TRAF7: variants seen among roughly 807,000 people sequenced by gnomAD.
TRAF7 encodes the protein TNF receptor associated factor 7, also known as E3 ubiquitin-protein ligase TRAF7.
A neutral mutation model predicts 89.3 loss-of-function variants in TRAF7; 45 were observed. The observed-to-expected ratio is 0.50, with a 90% CI of 0.40 to 0.65. The LOEUF (loss-of-function observed/expected upper bound fraction) is 0.65, where lower values mean the gene tolerates loss of function less well. Among genes scored for constraint, TRAF7 ranks in the 30% least tolerant of loss-of-function variants. The pLI, the probability that TRAF7 is intolerant of heterozygous loss-of-function variation, is 0.00. For synonymous variants in TRAF7, 406 were observed against 369.2 expected (o/e 1.10, Z -1.14); for missense variants, 677 against 918.1 (o/e 0.74, Z 3.39).
At chr16:2,167,090 C>CT (rs962405418) in intron 3 of TRAF7, among the ~76,000 whole-genome samples, 7 of 151,644 alleles carry the variant, frequency 4.6e-5, no homozygotes, top group Non-Finnish European at 7.4e-5. Flanking sequence ...CAGGGGCCCT[C>CT]TTTTTTTTTC....
Position 2,167,003 on chromosome 16 carries a change from A to G in TRAF7, c.139+1067A>G, listed in dbSNP as rs896597167. The stretch of plus-strand genomic sequence containing the variant: ...TTTAATTGCTCTGATAAACCTGGCC[A>G]TGGGGTCATAGGGCCGCCAAGGACA... On this transcript the variant is annotated intron_variant, in intron 3 of 20. Transcript: ENST00000326181. Among the ~76,000 whole-genome samples the G allele has an allele frequency of 3.3e-5, 5 of 152,256 alleles. No individual in the cohort carries two copies. The South Asian group carries it at 1.0e-3, about 32-fold the overall frequency.
At chr16:2,164,396 T>C (rs1229874631) in intron 2 of TRAF7, among the ~76,000 whole-genome samples, 1 of 145,272 alleles carries the variant, frequency 6.9e-6, no homozygotes, top group East Asian at 2.1e-4. Flanking sequence ...TGCGGCCTGG[T>C]CGCATGGTTA....
intron 2 of TRAF7, 139 bp downstream of exon 2, chr16:2,164,140 G>T (rs2093068682): frequency 8.6e-6 from 4 of 464,270 alleles, no homozygotes; most frequent in South Asian, 7.2e-5. Flanking sequence ...GGGGGGTGTG[G>T]TGTGTGTGTG....
rs938223208 is a variant in TRAF7 at position 2,177,800 on chromosome 16, A to G, written c.*1226A>G. On this transcript the variant is annotated 3_prime_UTR_variant, in exon 21 of 21. Transcript: ENST00000326181. ...ACACGGCCGCCGAGAGCAAGGCACAACCTCGAGTTCTTGGGGCGCAGAGAA... is the reference window on the plus strand; with the variant it reads ...ACACGGCCGCCGAGAGCAAGGCACAGCCTCGAGTTCTTGGGGCGCAGAGAA... 1 of 245,656 alleles carries G rather than the reference A, an allele frequency of 4.1e-6. No homozygotes were observed. The highest frequency in any genetic ancestry group is 1.0e-4 in the South Asian group (1 of 9,698). 15.2% of individuals were successfully genotyped at this position (245,656 alleles called of 1,614,324 possible).
chr16:2,169,625 G>A (rs1025463763), intron 4 of TRAF7, among the ~76,000 whole-genome samples: 4 of 152,284 alleles, frequency 2.6e-5, no homozygotes, highest in East Asian at 1.9e-4. Context: ...GGGCAGGCCC[G>A]GGAGAGTGGT....
chr16:2,171,747 C>G, intron 7 of TRAF7, 142 bp downstream of exon 7: 1 of 1,281,032 alleles, frequency 7.8e-7, no homozygotes, highest in Non-Finnish European at 1.1e-6. Flanking sequence ...TGCAGCCGTC[C>G]TAGGGACGCT....
chr16:2,177,653 G>A lies in TRAF7; in HGVS notation c.*1079G>A, dbSNP rs2141302833. 4.2e-6 allele frequency: 1 copy of A among 239,780 alleles called. No individual in the cohort carries two copies. Among genetic ancestry groups the A allele is most frequent in the Admixed American group, 5.4e-5 (1 of 18,570 alleles). The allele number at this position is 239,780 out of a possible 1,614,324, so 14.9% of individuals were successfully genotyped here. A position where few individuals can be genotyped will look rare whatever the true frequency, so the allele number is the denominator to read the frequency against. On this transcript the variant is annotated 3_prime_UTR_variant, in exon 21 of 21. Coordinates refer to ENST00000326181, the MANE Select transcript of TRAF7 (RefSeq NM_032271.3). ...GGAGAGGGGGCCAGGCACACCCTCA[G>A]AGGAGCTGCAAGCCCGTGGCCTGGC...
rs997016675 is a variant in TRAF7 at position 2,158,097 on chromosome 16, G to A, written c.-39+2239G>A. ...GCCCAGTGCCTGTGGCCTTGACCAC[G>A]GTGTCACAGCATCTCCTGGATGGAC... On this transcript the variant is annotated intron_variant, in intron 1 of 20. Transcript: ENST00000326181. This position sits in a 1 kb window ranked among gnomAD's most constrained non-coding sequence, Gnocchi z 4.7. Among the ~76,000 whole-genome samples the A allele has an allele frequency of 7.2e-5, 11 of 152,216 alleles. No individual in the cohort carries two copies. Among genetic ancestry groups the A allele is most frequent in the Non-Finnish European group, 1.2e-4 (8 of 68,038 alleles).
At chr16:2,165,773 T>A in intron 2 of TRAF7, 106 bp from the exon 3 acceptor site, 1 of 1,302,782 alleles carries the variant, frequency 7.7e-7, no homozygotes, top group East Asian at 2.3e-5. Context: ...GTGTGAGTGC[T>A]GCGTGGCCTG....
In TRAF7 at chr16:2,176,673, G is replaced by C; in HGVS notation, c.*99G>C. On this transcript the variant is annotated 3_prime_UTR_variant, in exon 21 of 21. Transcript: ENST00000326181. ...TGGTCTCGGGGTTTCTGCCTGCCCC[G>C]TGGGCATAGGTGGACAGGCTCTGGC... The C allele has an allele frequency of 6.4e-7, 1 of 1,561,542 alleles. No homozygotes were observed.
Position 2,164,204 on chromosome 16 carries a change from C to T in TRAF7, c.81+203C>T, listed in dbSNP as rs571359469. 8.2e-5 allele frequency among the ~76,000 whole-genome samples: 12 copies of T among 147,116 alleles called. No individual in the cohort carries two copies. The South Asian group carries it at 8.7e-4, about 11-fold the overall frequency. ...CGCACGCGTGCGTGTGTGGTTGGGG[C>T]GTGTTAGTGCTGTGTGGCGCGGCCT... is the stretch of plus-strand genomic sequence containing the variant. On this transcript the variant is annotated intron_variant, in intron 2 of 20. Coordinates refer to ENST00000326181, the MANE Select transcript of TRAF7 (RefSeq NM_032271.3).
Position 2,158,939 on chromosome 16 carries a change from C to T in TRAF7, c.-39+3081C>T, listed in dbSNP as rs2093046978. ...CCAGGATACTCTCCCCACTCTGGAT[C>T]CCAGCAGCCTCATCCTCCAGGAAGC... On this transcript the variant is annotated intron_variant, in intron 1 of 20. Coordinates refer to ENST00000326181, the MANE Select transcript of TRAF7 (RefSeq NM_032271.3). This position sits in a 1 kb window ranked among gnomAD's most constrained non-coding sequence, Gnocchi z 4.7. Among the ~76,000 whole-genome samples the T allele has an allele frequency of 6.6e-6, 1 of 152,148 alleles. No homozygotes were observed. The highest frequency in any genetic ancestry group is 1.5e-5 in the Non-Finnish European group (1 of 68,030).
chr16:2,170,646 C>T lies in TRAF7; in HGVS notation c.264C>T (p.Ser88=), dbSNP rs200035101. ...TCAGCACTCCCCGCCGCTCCGACTC[C>T]GCCATCTCTGTCCGCTCCCTGCACT... ...PPISTPRRSD[S]AISVRSLHSE... is the part of the protein sequence containing the mutation. Residue 88 remains serine (S), a synonymous_variant, in exon 5 of 21, where the codon TCC becomes TCT. Coordinates refer to ENST00000326181, the MANE Select transcript of TRAF7 (RefSeq NM_032271.3). The T allele has an allele frequency of 4.9e-4, 791 of 1,610,432 alleles. 12 individuals carry two copies. In the East Asian group the frequency reaches 0.014, roughly 27 times the overall value.
rs753608795 is a variant in TRAF7 at position 2,170,624 on chromosome 16, G to C, written c.242G>C (p.Ser81Thr). Residue 81 changes from serine to threonine, a missense_variant, in exon 5 of 21, where the codon AGC becomes ACC. This residue lies in a region of TRAF7 where 240 missense variants were observed against 191.9 expected (regional missense o/e 1.25). Transcript: ENST00000326181. ...RDEEDSMPPI[S>T]TPRRSDSAIS... ...TCTCCCTCCACACAGCCCCCCATCA[G>C]CACTCCCCGCCGCTCCGACTCCGCC... 2 of 1,607,178 alleles carry C rather than the reference G, an allele frequency of 1.2e-6. No homozygotes were observed.
intron 5 of TRAF7, 152 bp downstream of exon 5, chr16:2,170,882 G>A (rs567957642): frequency 4.0e-6 from 3 of 753,482 alleles, no homozygotes; most frequent in East Asian, 5.4e-5. Context: ...GGTCCGTGGT[G>A]GGGACTCGAG....
At chr16:2,167,378 C>A (rs564290465) in intron 3 of TRAF7, among the ~76,000 whole-genome samples, 1 of 152,364 alleles carries the variant, frequency 6.6e-6, no homozygotes, top group African/African-American at 2.4e-5. Context: ...TGGGCTGGTC[C>A]TGAGTCCGGG....
chr16:2,164,167 C>T (rs574001593), intron 2 of TRAF7, among the ~76,000 whole-genome samples, 166 bp downstream of exon 2: 5,779 of 105,594 alleles, frequency 0.055, 430 homozygotes, highest in African/African-American at 0.22. Context: ...TGTGCGCGCG[C>T]GCGCGCGCGC....
chr16:2,173,597 G>C, intron 11 of TRAF7, 43 bp downstream of exon 11: 1 of 1,605,402 alleles, frequency 6.2e-7, no homozygotes, highest in East Asian at 2.2e-5. Flanking sequence ...GAGACCCGGG[G>C]AGGCCGGCGG....
In TRAF7 at chr16:2,158,308, C is replaced by T. The variant is rs2093044214; in HGVS notation, c.-39+2450C>T. 6.6e-6 allele frequency among the ~76,000 whole-genome samples: 1 copy of T among 152,218 alleles called. No homozygotes were observed. The highest frequency in any genetic ancestry group is 1.5e-5 in the Non-Finnish European group (1 of 68,036). On this transcript the variant is annotated intron_variant, in intron 1 of 20. Coordinates refer to ENST00000326181, the MANE Select transcript of TRAF7 (RefSeq NM_032271.3). This position sits in a 1 kb window ranked among gnomAD's most constrained non-coding sequence, Gnocchi z 4.7. ...GTCTTTGACAGATCCGCTGCTGTCC[C>T]CAGCCTTGCTCCCTGGAGGAGGAGG...
Sources: gnomAD v4.1 joint callset for allele counts (sites outside exome capture counted in the v4.1 genomes callset) on GRCh38, gnomAD v4.1.1 for gene constraint, gnomAD v4.1.1 regional missense constraint, Gnocchi (gnomAD v3.1) non-coding constraint, MANE v1.5 for transcripts, NCBI Gene and HGNC (gene_info 2026-07-23, HGNC 2026-07-21) for gene names.